Variants in CDV3 observed in about 807,000 individuals in gnomAD.
CDV3 encodes the protein protein CDV3 homolog.
Under a neutral mutation model 24.5 loss-of-function variants are expected in CDV3, and 14 were observed. The ratio of observed to expected loss-of-function variants is 0.57; its 90% CI spans 0.38 to 0.89. The LOEUF is 0.89. Among genes scored for constraint, CDV3 ranks in the 40% least tolerant of loss-of-function variants. The probability of loss-of-function intolerance (pLI) is 0.00; values close to 1 mark genes in which losing one functional copy is unlikely to be tolerated. For synonymous variants in CDV3, 114 were observed against 114.1 expected (o/e 1.00, Z 0.00); for missense variants, 304 against 310.2 (o/e 0.98, Z 0.15).
chr3:133,579,899 G>C (rs2074952407), intron 2 of CDV3, among the ~76,000 whole-genome samples: 1 of 152,114 alleles, frequency 6.6e-6, no homozygotes, highest in Non-Finnish European at 1.5e-5. Flanking sequence ...GGCTGATAAA[G>C]AGTCTTGACT....
chr3:133,574,499 C>G lies in CDV3; in HGVS notation c.240+215C>G, dbSNP rs904966397. 5.1e-6 allele frequency: 5 copies of G among 986,254 alleles called. No individual in the cohort carries two copies. In the African/African-American group the frequency reaches 7.0e-5, roughly 14 times the overall value. 61.1% of individuals were successfully genotyped at this position (986,254 alleles called of 1,614,324 possible). On this transcript the variant is annotated intron_variant, in intron 1 of 4. Coordinates refer to ENST00000264993, the MANE Select transcript of CDV3 (RefSeq NM_017548.5). ...CGGTGGAGCCGCCCTTCCCACCCCG[C>G]GTCGCTCGGCGTTAGCCAAGGCCCG... is the stretch of plus-strand genomic sequence containing the variant.
At chr3:133,576,841 C>CTCTTTTTTTTTT (rs2074826777) in intron 2 of CDV3, among the ~76,000 whole-genome samples, 1 of 62,388 alleles carries the variant, frequency 1.6e-5, no homozygotes, top group African/African-American at 6.8e-5. Flanking sequence ...GGTAGACTAG[C>CTCTTTTTTTTTT]TTTTTTTTTT....
chr3:133,582,130 A>G (rs994441400), intron 2 of CDV3, among the ~76,000 whole-genome samples: 1 of 152,056 alleles, frequency 6.6e-6, no homozygotes, highest in Non-Finnish European at 1.5e-5. Flanking sequence ...TCTGGTTGGT[A>G]GGTAATTCAT....
chr3:133,588,203 G>T lies in CDV3; in HGVS notation c.*157G>T. 3 of 1,530,068 alleles carry T rather than the reference G, an allele frequency of 2.0e-6. No individual in the cohort carries two copies. Among genetic ancestry groups the T allele is most frequent in the South Asian group, 2.5e-5 (2 of 79,028 alleles). 94.8% of individuals were successfully genotyped at this position (1,530,068 alleles called of 1,614,324 possible). A position where few individuals can be genotyped will look rare whatever the true frequency, so the allele number is the denominator to read the frequency against. On this transcript the variant is annotated 3_prime_UTR_variant, in exon 5 of 5. Coordinates refer to ENST00000264993, the MANE Select transcript of CDV3 (RefSeq NM_017548.5). ...TGCACTATGGAAGTTAAAGTGTCAC[G>T]ACTGCTCTATGCATATTGGATTTAG... is the stretch of plus-strand genomic sequence containing the variant.
chr3:133,574,973 T>C, intron 1 of CDV3, 66 bp from the exon 2 acceptor site: 1 of 978,164 alleles, frequency 1.0e-6, no homozygotes, highest in South Asian at 1.3e-5. Context: ...CTTTTCGTAG[T>C]GTGTTATTTG....
chr3:133,585,089 C>T (rs1389905661), intron 3 of CDV3, among the ~76,000 whole-genome samples: 2 of 152,206 alleles, frequency 1.3e-5, no homozygotes, highest in African/African-American at 2.4e-5. Context: ...CAGGGTTTCA[C>T]TCTGGCCCAG....
In CDV3 at chr3:133,590,086, TATAA is replaced by T. The variant is rs1559797157; in HGVS notation, c.*2041_*2044del. ...AGCAGATTTAAATTACAACTCTTGT[TATAA>T]CTTTTTAAAAGATTGTGAAAATATC... On this transcript the variant is annotated 3_prime_UTR_variant, in exon 5 of 5. Coordinates refer to ENST00000264993, the MANE Select transcript of CDV3 (RefSeq NM_017548.5). 6.6e-6 allele frequency: 1 copy of T among 152,218 alleles called. No individual in the cohort carries two copies. The highest frequency in any genetic ancestry group is 2.4e-5 in the African/African-American group (1 of 41,460). The allele number at this position is 152,218 out of a possible 1,614,324, so 9.4% of individuals were successfully genotyped here.
Position 133,574,098 on chromosome 3 carries a change from GA to G in CDV3, c.56del (p.Lys19ArgfsTer60). ...LDNFFAKRDK[K>X]KKKERSNRAA... ...ACAACTTCTTTGCCAAGAGGGACAA[GA>G]AGAAGAAGAAGGAGCGGAGCAACCG... On this transcript the variant is annotated frameshift_variant, in exon 1 of 5. Coordinates refer to ENST00000264993, the MANE Select transcript of CDV3 (RefSeq NM_017548.5). LOFTEE classifies it high-confidence loss of function. 1 of 1,132,746 alleles carries G rather than the reference GA, an allele frequency of 8.8e-7. No homozygotes were observed. Among genetic ancestry groups the G allele is most frequent in the South Asian group, 1.9e-5 (1 of 53,498 alleles). The allele number at this position is 1,132,746 out of a possible 1,614,324, so 70.2% of individuals were successfully genotyped here.
At chr3:133,575,886 CA>C (rs1241984768) in intron 2 of CDV3, among the ~76,000 whole-genome samples, 1 of 152,140 alleles carries the variant, frequency 6.6e-6, no homozygotes, top group Non-Finnish European at 1.5e-5. Flanking sequence ...TAGGAAAAAA[CA>C]AATGAAGATA....
chr3:133,583,704 A>C (rs1576652531), intron 2 of CDV3, among the ~76,000 whole-genome samples: 1 of 152,224 alleles, frequency 6.6e-6, no homozygotes, highest in African/African-American at 2.4e-5. Context: ...CTGGCATTGT[A>C]GGTGTGTGCC....
At position 133,575,120 on chromosome 3, in the gene CDV3, A is replaced by T. The variant is rs757146773; in HGVS notation, c.317+5A>T. On this transcript the variant is annotated splice_donor_5th_base_variant and intron_variant, in intron 2 of 4. Coordinates refer to ENST00000264993, the MANE Select transcript of CDV3 (RefSeq NM_017548.5). ...GGTTCAGGCAATGCAAATAAGGTAT[A>T]GTCTGGTTACAAATGTGTTTAGATA... The T allele has an allele frequency of 2.7e-6, 4 of 1,487,310 alleles. No homozygotes were observed. The East Asian group carries it at 9.0e-5, about 34-fold the overall frequency. The allele number at this position is 1,487,310 out of a possible 1,614,324, so 92.1% of individuals were successfully genotyped here.
At chr3:133,578,711 C>G (rs2074909369) in intron 2 of CDV3, among the ~76,000 whole-genome samples, 3 of 152,340 alleles carry the variant, frequency 2.0e-5, no homozygotes, top group African/African-American at 7.2e-5. Flanking sequence ...CCCCATTTTA[C>G]TGTTGCAGCA....
rs1395958871 is a variant in CDV3, at chr3:133,588,350, C to A, written c.*304C>A. On this transcript the variant is annotated 3_prime_UTR_variant, in exon 5 of 5. Transcript: ENST00000264993. ...GGTCATTTCAAAATCTTTTTATGTT[C>A]AGATACTGAGCCTTCATAAGGGTTG... is the stretch of plus-strand genomic sequence containing the variant. The A allele has an allele frequency of 2.9e-5, 45 of 1,536,054 alleles. No individual in the cohort carries two copies. Among genetic ancestry groups the A allele is most frequent in the Non-Finnish European group, 3.1e-5 (36 of 1,146,862 alleles).
chr3:133,575,640 T>A (rs1346245458), intron 2 of CDV3, among the ~76,000 whole-genome samples: 1 of 152,212 alleles, frequency 6.6e-6, no homozygotes. Flanking sequence ...TAACACATAC[T>A]CACTGCATTC....
At chr3:133,587,408 A>G in intron 4 of CDV3, 1 of 1,192,020 alleles carries the variant, frequency 8.4e-7, no homozygotes, top group Non-Finnish European at 1.0e-6. Flanking sequence ...AAAAATGTGT[A>G]AGGGACCTTG....
Position 133,575,050 on chromosome 3 carries a change from A to C in CDV3, c.252A>C (p.Glu84Asp). 1.3e-6 allele frequency: 2 copies of C among 1,599,864 alleles called. No individual in the cohort carries two copies. Among genetic ancestry groups the C allele is most frequent in the Non-Finnish European group, 1.7e-6 (2 of 1,166,968 alleles). The change falls in exon 2 of 5, where the codon GAA becomes GAC. Residue 84 changes from glutamate to aspartate, a missense_variant. Glu to Asp is a conservative substitution (Grantham distance 45). Coordinates refer to ENST00000264993, the MANE Select transcript of CDV3 (RefSeq NM_017548.5). The part of the protein sequence containing the change: ...ATKAVTKDED[E>D]WKELEQKEVD... ...CGTTTGTTTTACAGGACGAAGATGA[A>C]TGGAAAGAATTGGAGCAAAAAGAGG...
chr3:133,586,972 A>G (rs1933670433), intron 4 of CDV3, among the ~76,000 whole-genome samples: 1 of 152,196 alleles, frequency 6.6e-6, no homozygotes, highest in African/African-American at 2.4e-5. Context: ...GCCCTGGTTT[A>G]TGTTGTTTTA....
In CDV3 at chr3:133,584,020, C is replaced by G. The variant is rs140108131; in HGVS notation, c.336C>G (p.Asp112Glu). ...TTTCCAGCAGTGAAAAGGAAGAAGA[C>G]GATAATGAAAAGAGACAAGATCCAG... ...AMQISSEKEEDDNEKRQDPGD... is the reference protein window; with the variant it reads ...AMQISSEKEEEDNEKRQDPGD... Residue 112 changes from aspartate to glutamate, a missense_variant, in exon 3 of 5, where the codon GAC becomes GAG. By Grantham distance (45) the Asp-to-Glu change is conservative (BLOSUM62 2). Around this residue, in one of 3 missense-constraint regions of CDV3, gnomAD observed 219 missense variants for 203.6 expected, o/e 1.08. Coordinates refer to ENST00000264993, the MANE Select transcript of CDV3 (RefSeq NM_017548.5). The G allele has an allele frequency of 1.2e-6, 2 of 1,602,750 alleles. No homozygotes were observed.
chr3:133,580,275 C>T (rs1049392410), intron 2 of CDV3, among the ~76,000 whole-genome samples: 1 of 152,184 alleles, frequency 6.6e-6, no homozygotes, highest in Admixed American at 6.5e-5. Flanking sequence ...CCAGCTTTAT[C>T]CATGTCCCTG....
Sources: allele counts gnomAD v4.1 joint callset (sites outside exome capture counted in the v4.1 genomes callset), GRCh38; gene constraint gnomAD v4.1.1; regional missense constraint gnomAD v4.1.1; transcripts MANE v1.5; gene names NCBI Gene and HGNC (gene_info 2026-07-23, HGNC 2026-07-21).